The following NLRP5 variants were observed in gnomAD, a reference collection of about 807,000 sequenced individuals.
The protein encoded by NLRP5 is NACHT, LRR and PYD domains-containing protein 5.
A neutral mutation model predicts 113.1 loss-of-function variants in NLRP5; 93 were observed. The ratio of observed to expected loss-of-function variants is 0.82; its 90% CI spans 0.70 to 0.98. NLRP5 has a LOEUF of 0.98. NLRP5 is among the 50% of genes least tolerant of loss of function. The pLI is 0.00. For missense variants in NLRP5, 1,808 were observed against 1,514.3 expected (o/e 1.19, Z -3.22); for synonymous variants, 751 against 600.7 (o/e 1.25, Z -3.66).
Position 56,019,841 on chromosome 19 carries a change from A to ATTTT in NLRP5, c.622+453_622+456dup, listed in dbSNP as rs56651636. Reference sequence around the variant, plus strand: ...GAAAAACATGTCTTGCCTTCATGGCATTTTTTTTTTTTTGAGAAGGAGTCT... The same window carrying ATTTT: ...GAAAAACATGTCTTGCCTTCATGGCATTTTTTTTTTTTTTTTTGAGAAGGAGTCT... On this transcript the variant is annotated intron_variant, in intron 5 of 14. Transcript: ENST00000390649. 3.1e-3 allele frequency among the ~76,000 whole-genome samples: 447 copies of ATTTT among 142,490 alleles called. 24 individuals are homozygous for ATTTT. Among genetic ancestry groups the ATTTT allele is most frequent in the African/African-American group, 0.012 (428 of 36,068 alleles). 93.5% of individuals were successfully genotyped at this position (142,490 alleles called of 152,430 possible).
chr19:55,990,079 C>CTTTTTTTTT, the NLRP5 span, among the ~76,000 whole-genome samples: 7 of 95,956 alleles, frequency 7.3e-5, no homozygotes, highest in Non-Finnish European at 8.0e-5. Flanking sequence ...TTTCTTTTTT[C>CTTTTTTTTT]TTTTTTTTTT....
At chr19:56,033,746 C>A in intron 9 of NLRP5, 37 bp downstream of exon 9, 1 of 1,538,362 alleles carries the variant, frequency 6.5e-7, no homozygotes, top group South Asian at 1.2e-5. Context: ...TGTTTTTCTT[C>A]GTTTTTACTT....
upstream of NLRP5, among the ~76,000 whole-genome samples, chr19:55,996,515 T>C (rs112448871): frequency 0.087 from 13,279 of 152,186 alleles, 702 homozygotes; most frequent in East Asian, 0.2. Context: ...GTCCCCGGTG[T>C]GTGACGTTCC....
intron 13 of NLRP5, among the ~76,000 whole-genome samples, chr19:56,055,660 C>T (rs1316950967): frequency 6.7e-6 from 1 of 149,848 alleles, no homozygotes; most frequent in Non-Finnish European, 1.5e-5. Context: ...ATTCTCCTGC[C>T]TCAGCCTCCC....
At chr19:56,025,204 T>C (rs551994575) in intron 6 of NLRP5, among the ~76,000 whole-genome samples, 1 of 152,272 alleles carries the variant, frequency 6.6e-6, no homozygotes, top group South Asian at 2.1e-4. Flanking sequence ...GTAATCATAA[T>C]AAAGTGCACA....
intron 13 of NLRP5, among the ~76,000 whole-genome samples, chr19:56,054,714 A>G (rs79714534): frequency 0.072 from 10,911 of 152,182 alleles, 481 homozygotes; most frequent in East Asian, 0.21. Flanking sequence ...AAGTTCGTAC[A>G]TAAAGTAGAG....
the NLRP5 span, among the ~76,000 whole-genome samples, chr19:55,988,874 T>A: frequency 6.6e-6 from 1 of 152,196 alleles, no homozygotes; most frequent in Non-Finnish European, 1.5e-5. Context: ...TGCTTTCAAT[T>A]TCCATGTATC....
chr19:55,993,413 C>A, the NLRP5 span, among the ~76,000 whole-genome samples: 1 of 31,938 alleles, frequency 3.1e-5, no homozygotes, highest in Non-Finnish European at 5.3e-5. Context: ...TCTCCCCCTC[C>A]TCTCCCCCTC....
intron 4 of NLRP5, among the ~76,000 whole-genome samples, chr19:56,017,397 ATCTT>A (rs1328833157): frequency 6.6e-6 from 1 of 151,648 alleles, no homozygotes; most frequent in Non-Finnish European, 1.5e-5. Flanking sequence ...TATATTTCAG[ATCTT>A]TCTTAGGCAT....
intron 9 of NLRP5, among the ~76,000 whole-genome samples, chr19:56,034,685 A>G (rs10405657): frequency 0.065 from 9,948 of 152,172 alleles, 986 homozygotes; most frequent in African/African-American, 0.22. Context: ...CGTCGCCTGA[A>G]ACTGGCTTTG....
At chr19:56,021,845 A>G (rs1982628204) in intron 6 of NLRP5, among the ~76,000 whole-genome samples, 1 of 152,304 alleles carries the variant, frequency 6.6e-6, no homozygotes, top group South Asian at 2.1e-4. Flanking sequence ...ATATAAAGCT[A>G]ACTGGAATTG....
chr19:55,992,504 T>C, the NLRP5 span, among the ~76,000 whole-genome samples: 2 of 152,218 alleles, frequency 1.3e-5, no homozygotes, highest in Non-Finnish European at 2.9e-5. Context: ...AAGCTTTCCA[T>C]TTTTTCCTGC....
At chr19:56,016,294 C>T (rs1982399778) in intron 4 of NLRP5, among the ~76,000 whole-genome samples, 1 of 152,056 alleles carries the variant, frequency 6.6e-6, no homozygotes, top group African/African-American at 2.4e-5. Flanking sequence ...GCTGGGGCTA[C>T]AGGCATGCAC....
At chr19:56,022,252 C>T (rs1363649958) in intron 6 of NLRP5, among the ~76,000 whole-genome samples, 2 of 152,174 alleles carry the variant, frequency 1.3e-5, no homozygotes, top group African/African-American at 4.8e-5. Context: ...CAGGGTCTTG[C>T]TGTGTCGCCC....
intron 11 of NLRP5, among the ~76,000 whole-genome samples, chr19:56,041,715 A>C (rs955130404): frequency 6.6e-6 from 1 of 152,168 alleles, no homozygotes; most frequent in African/African-American, 2.4e-5. Flanking sequence ...TGGGAGGCTG[A>C]GGCAGGTGGA....
intron 3 of NLRP5, among the ~76,000 whole-genome samples, chr19:56,011,981 C>G (rs779276096): frequency 6.6e-6 from 1 of 151,264 alleles, no homozygotes; most frequent in African/African-American, 2.4e-5. Context: ...CATGAGCCAC[C>G]GCACCCAGCC....
At position 56,004,040 on chromosome 19, in the gene NLRP5, C is replaced by T. The variant is rs1478621497; in HGVS notation, c.387C>T (p.Ile129=). 1 of 1,613,422 alleles carries T rather than the reference C, an allele frequency of 6.2e-7. No homozygotes were observed. The highest frequency in any genetic ancestry group is 8.5e-7 in the Non-Finnish European group (1 of 1,179,706). ...TGGCCTGGGCTACGTCCATTAGCAT[C>T]TTTGAAAACATGAACCTGCGAACCC... Residue 129 remains isoleucine (I), a synonymous_variant, in exon 2 of 15, where the codon ATC becomes ATT. Coordinates refer to ENST00000390649, the MANE Select transcript of NLRP5 (RefSeq NM_153447.4).
intron 6 of NLRP5, 115 bp downstream of exon 6, chr19:56,020,546 A>T (rs1599886776): frequency 1.6e-6 from 2 of 1,241,396 alleles, no homozygotes; most frequent in African/African-American, 3.0e-5. Context: ...CTTCAATCTC[A>T]TTTGTCTCTG....
At position 56,031,257 on chromosome 19, in the gene NLRP5, C is replaced by T. The variant is rs538766097; in HGVS notation, c.2277-1354C>T. On this transcript the variant is annotated intron_variant, in intron 7 of 14. Coordinates refer to ENST00000390649, the MANE Select transcript of NLRP5 (RefSeq NM_153447.4). Reference sequence around the variant, plus strand: ...TCACTGACCCTTCATGCCCATGAAACGATAACTCCATCTCCCCTGCTCCCC... The same window carrying T: ...TCACTGACCCTTCATGCCCATGAAATGATAACTCCATCTCCCCTGCTCCCC... Among the ~76,000 whole-genome samples, 12 of 152,214 alleles carry T rather than the reference C, an allele frequency of 7.9e-5. No homozygotes were observed. The South Asian group carries it at 8.3e-4, about 11-fold the overall frequency.
Sources: gnomAD v4.1 joint callset for allele counts (sites outside exome capture counted in the v4.1 genomes callset) on GRCh38, gnomAD v4.1.1 for gene constraint, MANE v1.5 for transcripts, NCBI Gene and HGNC (gene_info 2026-07-23, HGNC 2026-07-21) for gene names.